The following KCTD3 variants were observed in gnomAD, a reference collection of about 807,000 sequenced individuals.
KCTD3 encodes the protein BTB/POZ domain-containing protein KCTD3.
A neutral mutation model predicts 85.8 loss-of-function variants in KCTD3; 41 were observed. That is an observed-to-expected ratio of 0.48 (90% confidence interval 0.37 to 0.62). The LOEUF is 0.62. Among genes scored for constraint, KCTD3 ranks in the 20% least tolerant of loss-of-function variants. KCTD3 has a pLI of 0.00. For missense variants in KCTD3, 724 were observed against 989.9 expected (o/e 0.73, Z 3.60); for synonymous variants, 338 against 345.4 (o/e 0.98, Z 0.24).
chr1:215,596,056 C>T (rs1408514755), intron 10 of KCTD3, among the ~76,000 whole-genome samples: 2 of 152,076 alleles, frequency 1.3e-5, no homozygotes, highest in Non-Finnish European at 2.9e-5. Context: ...CAACTAATGG[C>T]AGTGGTGGTC....
chr1:215,596,989 A>T (rs1012469709), intron 10 of KCTD3, among the ~76,000 whole-genome samples: 1 of 152,178 alleles, frequency 6.6e-6, no homozygotes, highest in Non-Finnish European at 1.5e-5. Context: ...GGAAGGAGTA[A>T]AGAGAAAGAC....
At chr1:215,597,509 G>A (rs2102585020) in intron 10 of KCTD3, among the ~76,000 whole-genome samples, 1 of 152,234 alleles carries the variant, frequency 6.6e-6, no homozygotes, top group South Asian at 2.1e-4. Context: ...GCTCTAGAAA[G>A]GCATTATGTA....
intron 13 of KCTD3, among the ~76,000 whole-genome samples, chr1:215,607,595 A>G (rs957472916): frequency 6.6e-6 from 1 of 152,164 alleles, no homozygotes; most frequent in South Asian, 2.1e-4. Flanking sequence ...ATTTGTGCCA[A>G]TAATTTTTCG....
chr1:215,607,890 A>C, intron 13 of KCTD3, 127 bp from the exon 14 acceptor site: 1 of 601,092 alleles, frequency 1.7e-6, no homozygotes, highest in Non-Finnish European at 2.6e-6. Flanking sequence ...AATCAAGTAT[A>C]GTTTTAAGAT....
In KCTD3 at chr1:215,605,198, G is replaced by C. The variant is rs78939641; in HGVS notation, c.1309+896G>C. The stretch of plus-strand genomic sequence containing the variant: ...GTTTTCATGTGTCAGATTTGTTTTT[G>C]TGAAGGCTGGCTAGAAGATAATGCA... On this transcript the variant is annotated intron_variant, in intron 13 of 17. Transcript: ENST00000259154. Among the ~76,000 whole-genome samples, 220 of 152,206 alleles carry C rather than the reference G, an allele frequency of 1.4e-3. 1 individual carries two copies. Among genetic ancestry groups the C allele is most frequent in the Non-Finnish European group, 2.4e-3 (165 of 67,988 alleles).
intron 10 of KCTD3, among the ~76,000 whole-genome samples, chr1:215,599,917 A>G (rs201370604): frequency 2.0e-5 from 3 of 151,038 alleles, no homozygotes; most frequent in Non-Finnish European, 3.0e-5. Context: ...AAAAGAATGT[A>G]TCCAAAGGGA....
At chr1:215,584,014 G>T (rs1659922840) in intron 8 of KCTD3, among the ~76,000 whole-genome samples, 1 of 152,092 alleles carries the variant, frequency 6.6e-6, no homozygotes, top group Non-Finnish European at 1.5e-5. Flanking sequence ...GGCTTTTCAT[G>T]AACTGGGAAA....
intron 15 of KCTD3, chr1:215,618,144 G>A: frequency 2.1e-6 from 1 of 466,838 alleles, no homozygotes; most frequent in South Asian, 1.6e-5. Flanking sequence ...TAACTAAAAG[G>A]GCATTTGGAG....
rs1655661623 is a variant in KCTD3 at position 215,620,890 on chromosome 1, A to G, written c.*272A>G. 4.8e-6 allele frequency: 2 copies of G among 420,868 alleles called. No individual in the cohort carries two copies. The allele number at this position is 420,868 out of a possible 1,614,324, so 26.1% of individuals were successfully genotyped here. A position where few individuals can be genotyped will look rare whatever the true frequency, so the allele number is the denominator to read the frequency against. On this transcript the variant is annotated 3_prime_UTR_variant, in exon 18 of 18. Coordinates refer to ENST00000259154, the MANE Select transcript of KCTD3 (RefSeq NM_016121.5). ...ACTTACCGACTTTTTTTGGTTTGGAAACATATTACCACGTCTTAATAGGAT... is the reference window on the plus strand; with the variant it reads ...ACTTACCGACTTTTTTTGGTTTGGAGACATATTACCACGTCTTAATAGGAT...
In KCTD3 at chr1:215,567,480, C is replaced by G. The variant is rs1488770718; in HGVS notation, c.-206C>G. 3.7e-6 allele frequency: 1 copy of G among 273,264 alleles called. No individual in the cohort carries two copies. The highest frequency in any genetic ancestry group is 6.8e-6 in the Non-Finnish European group (1 of 147,830). 16.9% of individuals were successfully genotyped at this position (273,264 alleles called of 1,614,324 possible). On this transcript the variant is annotated 5_prime_UTR_variant, in exon 1 of 18. Coordinates refer to ENST00000259154, the MANE Select transcript of KCTD3 (RefSeq NM_016121.5). Reference sequence around the variant, plus strand: ...GTGGAGGCCGGGCCGCCCTTGTGCACCGCAGGATTGACCCGGGAAGGGGCA... The same window carrying G: ...GTGGAGGCCGGGCCGCCCTTGTGCAGCGCAGGATTGACCCGGGAAGGGGCA...
chr1:215,614,029 T>TG (rs1655335379), intron 15 of KCTD3, among the ~76,000 whole-genome samples: 1 of 131,746 alleles, frequency 7.6e-6, no homozygotes, highest in African/African-American at 3.0e-5. Flanking sequence ...TTTTTTTTTT[T>TG]TTTTTTTTTT....
At chr1:215,617,280 A>C (rs1260067546) in intron 15 of KCTD3, among the ~76,000 whole-genome samples, 1 of 152,168 alleles carries the variant, frequency 6.6e-6, no homozygotes, top group Non-Finnish European at 1.5e-5. Flanking sequence ...CCTAAGGAGG[A>C]GGCTGTGGGA....
At chr1:215,603,457 A>G (rs1654907455) in intron 12 of KCTD3, among the ~76,000 whole-genome samples, 1 of 152,154 alleles carries the variant, frequency 6.6e-6, no homozygotes, top group Non-Finnish European at 1.5e-5. Flanking sequence ...TTTTTGAAAA[A>G]AAGAAAACAA....
chr1:215,600,491 CCT>C (rs1380135845), intron 10 of KCTD3, among the ~76,000 whole-genome samples: 2 of 152,098 alleles, frequency 1.3e-5, no homozygotes, highest in Admixed American at 6.5e-5. Flanking sequence ...CAGTTCTTCC[CCT>C]CTCTCCTGTG....
chr1:215,588,513 A>G (rs1049346751), intron 9 of KCTD3, among the ~76,000 whole-genome samples: 10 of 152,198 alleles, frequency 6.6e-5, no homozygotes, highest in African/African-American at 2.4e-4. Flanking sequence ...GTTTAGTGCC[A>G]CTGTCCTGGT....
chr1:215,567,557 A>T lies in KCTD3; in HGVS notation c.-129A>T. 2.6e-6 allele frequency: 1 copy of T among 382,536 alleles called. No homozygotes were observed. Among genetic ancestry groups the T allele is most frequent in the Non-Finnish European group, 4.3e-6 (1 of 235,274 alleles). The allele number at this position is 382,536 out of a possible 1,614,324, so 23.7% of individuals were successfully genotyped here. The stretch of plus-strand genomic sequence containing the variant: ...CGGGAAGGTGGGGGAAGCCCCGTGC[A>T]CCCCCCGCCCTCCGGCCGCCGCCGC... On this transcript the variant is annotated 5_prime_UTR_variant, in exon 1 of 18. Coordinates refer to ENST00000259154, the MANE Select transcript of KCTD3 (RefSeq NM_016121.5).
At position 215,586,597 on chromosome 1, in the gene KCTD3, T is replaced by C. The variant is rs747704075; in HGVS notation, c.729T>C (p.His243=). 4 of 1,614,134 alleles carry C rather than the reference T, an allele frequency of 2.5e-6. No homozygotes were observed. The highest frequency in any genetic ancestry group is 3.4e-6 in the Non-Finnish European group (4 of 1,180,004). Residue 243 remains histidine, a synonymous_variant, in exon 9 of 18, where the codon CAT becomes CAC. Transcript: ENST00000259154. ...ATGCAAAGGTGGTTGGAGGGCCACATGGAGACAAAGACAAAATGGTTGCTG... is the reference window on the plus strand; with the variant it reads ...ATGCAAAGGTGGTTGGAGGGCCACACGGAGACAAAGACAAAATGGTTGCTG... ...ALNAKVVGGP[H]GDKDKMVAVA...
At chr1:215,573,086 C>T (rs1397671011) in intron 1 of KCTD3, among the ~76,000 whole-genome samples, 2 of 152,170 alleles carry the variant, frequency 1.3e-5, no homozygotes, top group Admixed American at 6.5e-5. Flanking sequence ...GATCAAATGA[C>T]AACCTCAGAA....
intron 10 of KCTD3, among the ~76,000 whole-genome samples, chr1:215,599,197 A>T (rs1372113449): frequency 6.6e-6 from 1 of 152,146 alleles, no homozygotes; most frequent in African/African-American, 2.4e-5. Flanking sequence ...TTTTTTTCAG[A>T]GAGAATTTTT....
Sources: gnomAD v4.1 joint callset for allele counts (sites outside exome capture counted in the v4.1 genomes callset) on GRCh38, gnomAD v4.1.1 for gene constraint, MANE v1.5 for transcripts, NCBI Gene and HGNC (gene_info 2026-07-23, HGNC 2026-07-21) for gene names.